SLC25A25: variants seen among roughly 807,000 people sequenced by gnomAD.
SLC25A25 encodes mitochondrial adenyl nucleotide antiporter SLC25A25.
In SLC25A25, 32 loss-of-function variants were observed where a neutral mutation model predicts 57.7. The observed-to-expected ratio is 0.55, with a 90% CI of 0.42 to 0.74. The LOEUF (loss-of-function observed/expected upper bound fraction) is 0.74. Among genes scored for constraint, SLC25A25 ranks in the 30% least tolerant of loss-of-function variants. SLC25A25 has a pLI of 0.00. For missense variants in SLC25A25, 556 were observed against 701.3 expected (o/e 0.79, Z 2.34); for synonymous variants, 306 against 291.2 (o/e 1.05, Z -0.52).
In SLC25A25 at chr9:128,099,163, G is replaced by A. The variant is rs1189966624; in HGVS notation, c.262-1933G>A. On this transcript the variant is annotated intron_variant, in intron 1 of 10. Coordinates refer to ENST00000373069, the MANE Select transcript of SLC25A25 (RefSeq NM_001330988.2). This position sits in a 1 kb window ranked among gnomAD's most constrained non-coding sequence, Gnocchi z 6.8. ...CCCGCCTTCTCGACTCTCAGACATC[G>A]CTGTGGAACAGGGCCTGTGTCTGCC... 8.1e-6 allele frequency: 10 copies of A among 1,237,612 alleles called. No homozygotes were observed. Among genetic ancestry groups the A allele is most frequent in the South Asian group, 1.4e-5 (1 of 73,178 alleles). The allele number at this position is 1,237,612 out of a possible 1,614,324, so 76.7% of individuals were successfully genotyped here.
intron 1 of SLC25A25, among the ~76,000 whole-genome samples, chr9:128,069,541 C>T (rs968076719): frequency 6.6e-6 from 1 of 152,104 alleles, no homozygotes; most frequent in African/African-American, 2.4e-5. Context: ...TAGAGAATCT[C>T]GTAGCCAAGT....
At chr9:128,105,184 T>TC (rs1296184208) in intron 6 of SLC25A25, among the ~76,000 whole-genome samples, 11 of 135,804 alleles carry the variant, frequency 8.1e-5, no homozygotes, top group African/African-American at 3.1e-4. Context: ...TTTTTTTTTT[T>TC]TTCTAAAATA....
chr9:128,082,169 C>T (rs1833170586), intron 1 of SLC25A25, among the ~76,000 whole-genome samples: 1 of 152,202 alleles, frequency 6.6e-6, no homozygotes, highest in African/African-American at 2.4e-5. Context: ...TGCCGGACTT[C>T]TCTTTTCCTT....
Position 128,070,084 on chromosome 9 carries a change from A to ATT in SLC25A25, c.261+1529_261+1530dup, listed in dbSNP as rs71381724. ...AGGCATGTGCCACCACACCCAGCTA[A>ATT]TTTTTTTTTTTTTTTTTTTTTTTTT... On this transcript the variant is annotated intron_variant, in intron 1 of 10. Transcript: ENST00000373069. Among the ~76,000 whole-genome samples the ATT allele has an allele frequency of 3.1e-4, 2 of 6,360 alleles. 1 individual carries two copies. Among genetic ancestry groups the ATT allele is most frequent in the African/African-American group, 7.7e-4 (2 of 2,602 alleles). The allele number at this position is 6,360 out of a possible 152,430, so 4.2% of individuals were successfully genotyped here. A position where few individuals can be genotyped will look rare whatever the true frequency, so the allele number is the denominator to read the frequency against.
chr9:128,077,812 G>C (rs1340081712), intron 1 of SLC25A25, among the ~76,000 whole-genome samples: 1 of 152,032 alleles, frequency 6.6e-6, no homozygotes, highest in Non-Finnish European at 1.5e-5. Context: ...TTGGGAGGCT[G>C]GTCAGGAGTT....
chr9:128,107,024 T>G lies in SLC25A25; in HGVS notation c.1213-5T>G. On this transcript the variant is annotated splice_region_variant and splice_polypyrimidine_tract_variant and intron_variant, in intron 9 of 10. Coordinates refer to ENST00000373069, the MANE Select transcript of SLC25A25 (RefSeq NM_001330988.2). ...GGCTTATCCCATGCTCCCTTCTCCT[T>G]CTAGACGCTCAAGAATGCCTGGCTG... The G allele has an allele frequency of 6.2e-7, 1 of 1,613,512 alleles. No homozygotes were observed. The highest frequency in any genetic ancestry group is 8.5e-7 in the Non-Finnish European group (1 of 1,179,624).
intron 9 of SLC25A25, 79 bp from the exon 10 acceptor site, chr9:128,106,950 A>AG (rs1435825775): frequency 3.3e-6 from 5 of 1,529,528 alleles, no homozygotes; most frequent in Non-Finnish European, 4.5e-6. Flanking sequence ...CAGTGGCCTG[A>AG]GGACCCAGTA....
intron 1 of SLC25A25, among the ~76,000 whole-genome samples, chr9:128,068,818 C>T (rs1282425219): frequency 6.6e-6 from 1 of 152,228 alleles, no homozygotes; most frequent in Non-Finnish European, 1.5e-5. Context: ...TATGGGCTTT[C>T]TGATGGGCGA....
In SLC25A25 at chr9:128,068,508, C is replaced by T; in HGVS notation, c.189C>T (p.Gly63=). ...AGACGCTCGACGTCAACCGGGACGG[C>T]GGCCTGTGTGTCAACGACCTGGCGG... ...LFQTLDVNRD[G]GLCVNDLAVG... is the part of the protein sequence containing the mutation. The change falls in exon 1 of 11, where the codon GGC becomes GGT. Residue 63 remains glycine, a synonymous_variant. Coordinates refer to ENST00000373069, the MANE Select transcript of SLC25A25 (RefSeq NM_001330988.2). 3 of 1,506,952 alleles carry T rather than the reference C, an allele frequency of 2.0e-6. No homozygotes were observed. The highest frequency in any genetic ancestry group is 1.8e-6 in the Non-Finnish European group (2 of 1,133,598). 93.3% of individuals were successfully genotyped at this position (1,506,952 alleles called of 1,614,324 possible).
intron 1 of SLC25A25, chr9:128,091,594 T>C (rs1209876520): frequency 1.7e-4 from 191 of 1,114,370 alleles, no homozygotes; most frequent in Non-Finnish European, 2.0e-4. Flanking sequence ...CACCATCACC[T>C]GCAGAAGTGA....
At chr9:128,088,541 GCA>G (rs1371107723) in intron 1 of SLC25A25, among the ~76,000 whole-genome samples, 43 of 152,196 alleles carry the variant, frequency 2.8e-4, no homozygotes, top group African/African-American at 9.6e-4. Flanking sequence ...TCTCTGCTCT[GCA>G]CCTAGACTGG....
At chr9:128,075,150 A>G (rs1832982969) in intron 1 of SLC25A25, among the ~76,000 whole-genome samples, 1 of 151,656 alleles carries the variant, frequency 6.6e-6, no homozygotes, top group African/African-American at 2.4e-5. Flanking sequence ...AACAACAACA[A>G]CAACAAAATT....
At chr9:128,080,229 T>TA (rs890781691) in intron 1 of SLC25A25, among the ~76,000 whole-genome samples, 5,962 of 96,990 alleles carry the variant, frequency 0.061, 337 homozygotes, top group African/African-American at 0.17. Context: ...ATACCCCATC[T>TA]AAAAAAAAAA....
chr9:128,092,967 AGT>A (rs1219875759), intron 1 of SLC25A25, among the ~76,000 whole-genome samples: 4 of 152,208 alleles, frequency 2.6e-5, no homozygotes, highest in African/African-American at 7.2e-5. Context: ...CTGCTGTAGG[AGT>A]GACCTCGTTC....
Position 128,068,538 on chromosome 9 carries a change from G to GCTGCGGCGCCTGGGA in SLC25A25, c.224_238dup (p.Arg75_Leu79dup), listed in dbSNP as rs1385731444. ...TGTGTGTCAACGACCTGGCGGTGGGGCTGCGGCGCCTGGGACTGCACCGCA... is the reference window on the plus strand; with the variant it reads ...TGTGTGTCAACGACCTGGCGGTGGGGCTGCGGCGCCTGGGACTGCGGCGCCTGGGACTGCACCGCA... On this transcript the variant is annotated inframe_insertion, in exon 1 of 11. Transcript: ENST00000373069. The GCTGCGGCGCCTGGGA allele has an allele frequency of 2.0e-6, 3 of 1,484,312 alleles. No homozygotes were observed. The African/African-American group carries it at 4.4e-5, about 22-fold the overall frequency. 91.9% of individuals were successfully genotyped at this position (1,484,312 alleles called of 1,614,324 possible).
rs866211444 is a variant in SLC25A25 at position 128,068,268 on chromosome 9, C to T, written c.-52C>T. The stretch of plus-strand genomic sequence containing the variant: ...GGCTTGCCTCCCGCGCGGTCACCGC[C>T]GGCCCGCCGCCCCCGCTCCCGCCCG... On this transcript the variant is annotated 5_prime_UTR_variant, in exon 1 of 11. Coordinates refer to ENST00000373069, the MANE Select transcript of SLC25A25 (RefSeq NM_001330988.2). The T allele has an allele frequency of 5.1e-4, 573 of 1,133,958 alleles. 2 individuals are homozygous for T. The highest frequency in any genetic ancestry group is 2.1e-3 in the South Asian group (67 of 31,584). The allele number at this position is 1,133,958 out of a possible 1,614,324, so 70.2% of individuals were successfully genotyped here.
intron 1 of SLC25A25, chr9:128,091,470 A>T (rs1833401819): frequency 1.0e-6 from 1 of 986,276 alleles, no homozygotes; most frequent in African/African-American, 1.8e-5. Context: ...ATGAGCGAGG[A>T]CAGCTGAATA....
intron 1 of SLC25A25, among the ~76,000 whole-genome samples, chr9:128,070,780 C>A (rs986256242): frequency 6.6e-6 from 1 of 150,920 alleles, no homozygotes; most frequent in Non-Finnish European, 1.5e-5. Context: ...GGAGAAAACC[C>A]GTCTCTACTA....
intron 1 of SLC25A25, among the ~76,000 whole-genome samples, chr9:128,072,451 G>A (rs929647042): frequency 6.6e-6 from 1 of 152,216 alleles, no homozygotes. Context: ...AGCTGTGAGT[G>A]CTTATCAGGG....
Sources: allele counts gnomAD v4.1 joint callset (sites outside exome capture counted in the v4.1 genomes callset), GRCh38; gene constraint gnomAD v4.1.1; non-coding constraint Gnocchi (gnomAD v3.1); transcripts MANE v1.5; gene names NCBI Gene and HGNC (gene_info 2026-07-23, HGNC 2026-07-21).